The following EGF variants were observed in gnomAD, a reference collection of about 807,000 sequenced individuals.
EGF encodes the protein epidermal growth factor, also known as pro-epidermal growth factor.
Under a neutral mutation model 143.8 loss-of-function variants are expected in EGF, and 95 were observed. The ratio of observed to expected loss-of-function variants is 0.66; its 90% CI spans 0.56 to 0.78. The LOEUF is 0.78. Among genes scored for constraint, EGF ranks in the 30% least tolerant of loss-of-function variants. The pLI is 0.00. For missense variants in EGF, 1,320 were observed against 1,470.9 expected (o/e 0.90, Z 1.68); for synonymous variants, 510 against 510.5 (o/e 1.00, Z 0.01).
intron 13 of EGF, among the ~76,000 whole-genome samples, chr4:109,979,243 G>T (rs893898152): frequency 6.6e-6 from 1 of 152,108 alleles, no homozygotes; most frequent in African/African-American, 2.4e-5. Context: ...AGACAAGGAG[G>T]AGCTAGAGGG....
intron 10 of EGF, among the ~76,000 whole-genome samples, chr4:109,967,809 A>G (rs536568237): frequency 1.1e-4 from 16 of 152,314 alleles, no homozygotes; most frequent in African/African-American, 3.8e-4. Flanking sequence ...ACCTGTGCGG[A>G]TGTTACTATG....
rs201941466 is a variant in EGF at position 109,964,554 on chromosome 4, T to C, written c.1575+17T>C. Reference sequence around the variant, plus strand: ...GAAAATAAGGTATGGTTTTGTTACTTGAACAGATGTGGACATGCTTTAAGG... The same window carrying C: ...GAAAATAAGGTATGGTTTTGTTACTCGAACAGATGTGGACATGCTTTAAGG... On this transcript the variant is annotated intron_variant, in intron 10 of 23. Transcript: ENST00000265171. The C allele has an allele frequency of 1.2e-6, 2 of 1,613,658 alleles. No individual in the cohort carries two copies. Among genetic ancestry groups the C allele is most frequent in the East Asian group, 2.2e-5 (1 of 44,864 alleles).
chr4:109,945,336 G>C, intron 5 of EGF, 61 bp downstream of exon 5: 3 of 1,556,442 alleles, frequency 1.9e-6, no homozygotes, highest in Non-Finnish European at 2.6e-6. Flanking sequence ...TCACCTGCTT[G>C]AGCCAGACAA....
At chr4:109,993,418 A>G (rs368431772) in intron 19 of EGF, 49 bp downstream of exon 19, 1 of 1,610,094 alleles carries the variant, frequency 6.2e-7, no homozygotes, top group Non-Finnish European at 8.5e-7. Context: ...TGGCTCGGGG[A>G]TATTCTATAC....
At chr4:110,002,141 C>T (rs1752646947) in intron 21 of EGF, 1 of 654,254 alleles carries the variant, frequency 1.5e-6, no homozygotes, top group African/African-American at 2.0e-5. Flanking sequence ...TATACCATTC[C>T]TTGCCTGTCT....
chr4:109,939,846 C>G (rs534409696), intron 1 of EGF, among the ~76,000 whole-genome samples: 4 of 152,164 alleles, frequency 2.6e-5, no homozygotes, highest in Non-Finnish European at 4.4e-5. Context: ...GATGATAAAA[C>G]AGAATGGAGT....
chr4:109,993,758 C>G (rs766104664), intron 19 of EGF, among the ~76,000 whole-genome samples: 1 of 152,122 alleles, frequency 6.6e-6, no homozygotes, highest in South Asian at 2.1e-4. Context: ...TAAAATATTA[C>G]TTTAAAAAGG....
At chr4:109,955,478 T>C (rs1744645642) in intron 5 of EGF, among the ~76,000 whole-genome samples, 1 of 152,192 alleles carries the variant, frequency 6.6e-6, no homozygotes, top group Admixed American at 6.5e-5. Flanking sequence ...CCTTTTAAAG[T>C]GTTTAGTGTC....
At chr4:109,964,267 C>A in intron 9 of EGF, 134 bp from the exon 10 acceptor site, 1 of 1,252,696 alleles carries the variant, frequency 8.0e-7, no homozygotes, top group Non-Finnish European at 1.2e-6. Context: ...ACCTATACCA[C>A]ACTAGAGGGA....
chr4:109,963,219 T>C lies in EGF; in HGVS notation c.1359T>C (p.Pro453=). 3.1e-6 allele frequency: 5 copies of C among 1,614,088 alleles called. No homozygotes were observed. The highest frequency in any genetic ancestry group is 4.2e-6 in the Non-Finnish European group (5 of 1,179,948). The stretch of plus-strand genomic sequence containing the variant: ...GTGGATGTAGCCAGCTCTGCGTTCC[T>C]CTTAGCCCAGTATCCTGGGAATGTG... ...DNGGCSQLCV[P]LSPVSWECDC... Residue 453 remains proline, a synonymous_variant, in exon 9 of 24, where the codon CCT becomes CCC. Coordinates refer to ENST00000265171, the MANE Select transcript of EGF (RefSeq NM_001963.6).
At chr4:109,937,405 A>G (rs1741034831) in intron 1 of EGF, among the ~76,000 whole-genome samples, 1 of 144,512 alleles carries the variant, frequency 6.9e-6, no homozygotes, top group African/African-American at 2.6e-5. Flanking sequence ...ATCTTCCTCC[A>G]TCCCTTTATT....
At position 109,944,363 on chromosome 4, in the gene EGF, C is replaced by T. The variant is rs1339385286; in HGVS notation, c.737+294C>T. On this transcript the variant is annotated intron_variant, in intron 4 of 23. Transcript: ENST00000265171. ...CTGAGGCAGGAGAATGGCGAGAACC[C>T]GGGAGGCGGAGCTTGCAGTGAGCCG... Among the ~76,000 whole-genome samples, 5 of 152,094 alleles carry T rather than the reference C, an allele frequency of 3.3e-5. No individual in the cohort carries two copies. In the East Asian group the frequency reaches 7.7e-4, roughly 23 times the overall value.
At chr4:109,936,391 T>G (rs1244761005) in intron 1 of EGF, among the ~76,000 whole-genome samples, 1 of 152,224 alleles carries the variant, frequency 6.6e-6, no homozygotes, top group Non-Finnish European at 1.5e-5. Flanking sequence ...TCGGTGGTGA[T>G]ATCCCCTTTA....
chr4:109,984,577 T>C (rs1233392809), intron 16 of EGF, among the ~76,000 whole-genome samples: 1 of 152,022 alleles, frequency 6.6e-6, no homozygotes, highest in Non-Finnish European at 1.5e-5. Flanking sequence ...ATACAAAACA[T>C]CAGGCATCGG....
chr4:109,980,774 C>T, intron 14 of EGF, 52 bp from the exon 15 acceptor site: 2 of 1,609,444 alleles, frequency 1.2e-6, no homozygotes, highest in Non-Finnish European at 1.7e-6. Flanking sequence ...GCATTAATGG[C>T]ATCCTTTTCA....
chr4:109,952,943 G>A (rs895152369), intron 5 of EGF, among the ~76,000 whole-genome samples: 2 of 152,094 alleles, frequency 1.3e-5, no homozygotes, highest in African/African-American at 4.8e-5. Context: ...TTTCTAACCT[G>A]AGGCTTTTTC....
Position 109,978,135 on chromosome 4 carries a change from G to A in EGF, c.2054-1837G>A, listed in dbSNP as rs372400362. ...TGGTGGCTTCCCAGCTGCCAGTTAA[G>A]AATTTCTTCTAAGAGTGGATGTTCC... On this transcript the variant is annotated intron_variant, in intron 13 of 23. Coordinates refer to ENST00000265171, the MANE Select transcript of EGF (RefSeq NM_001963.6). 2.0e-5 allele frequency among the ~76,000 whole-genome samples: 3 copies of A among 152,112 alleles called. No individual in the cohort carries two copies. In the South Asian group the frequency reaches 6.2e-4, roughly 32 times the overall value.
At chr4:109,940,062 A>T (rs1378072468) in intron 1 of EGF, among the ~76,000 whole-genome samples, 1 of 152,144 alleles carries the variant, frequency 6.6e-6, no homozygotes, top group Admixed American at 6.6e-5. Flanking sequence ...CTGTGTGTGG[A>T]GTCTGTCAGT....
intron 15 of EGF, among the ~76,000 whole-genome samples, chr4:109,981,721 T>C (rs1311497593): frequency 6.6e-6 from 1 of 152,178 alleles, no homozygotes; most frequent in Non-Finnish European, 1.5e-5. Flanking sequence ...AGTTATGCAA[T>C]GAAAAAAAGA....
Sources: gnomAD v4.1 joint callset for allele counts (sites outside exome capture counted in the v4.1 genomes callset) on GRCh38, gnomAD v4.1.1 for gene constraint, MANE v1.5 for transcripts, NCBI Gene and HGNC (gene_info 2026-07-23, HGNC 2026-07-21) for gene names.